The following FHIP1A variants were observed in gnomAD, a reference collection of about 807,000 sequenced individuals.
The protein encoded by FHIP1A is FHF complex subunit HOOK-interacting protein 1A.
Under a neutral mutation model 88.6 loss-of-function variants are expected in FHIP1A, and 61 were observed. The observed-to-expected ratio is 0.69, with a 90% CI of 0.56 to 0.85. FHIP1A has a LOEUF of 0.85. FHIP1A is among the 40% of genes least tolerant of loss of function. The probability of loss-of-function intolerance (pLI) is 0.00; values close to 1 mark genes in which losing one functional copy is unlikely to be tolerated. For missense variants in FHIP1A, 1,154 were observed against 1,273.5 expected, an observed-to-expected ratio of 0.91 and a Z score of 1.43; for synonymous variants, 478 against 496.0, an observed-to-expected ratio of 0.96 and a Z score of 0.48.
At chr4:151,415,565 A>G (rs1359813631) in intron 1 of FHIP1A, among the ~76,000 whole-genome samples, 1 of 152,220 alleles carries the variant, frequency 6.6e-6, no homozygotes, top group African/African-American at 2.4e-5. Flanking sequence ...TTCAGAGAAC[A>G]TCCTTGAAAG....
intron 3 of FHIP1A, 45 bp from the exon 4 acceptor site, chr4:151,566,093 T>C (rs1733375159): frequency 2.1e-6 from 1 of 480,460 alleles, no homozygotes; most frequent in African/African-American, 2.0e-5. Context: ...TCCTATTTAA[T>C]TTATGAACAT....
chr4:151,409,698 G>C (rs1243499666), intron 1 of FHIP1A, among the ~76,000 whole-genome samples: 1 of 152,058 alleles, frequency 6.6e-6, no homozygotes, highest in Non-Finnish European at 1.5e-5. Context: ...TAGGGTTTCG[G>C]GCTCCGGGAC....
intron 4 of FHIP1A, among the ~76,000 whole-genome samples, chr4:151,570,816 C>T (rs1404046768): frequency 6.6e-6 from 1 of 152,158 alleles, no homozygotes; most frequent in African/African-American, 2.4e-5. Context: ...ACTTAGGAAA[C>T]AGCTTTCAAC....
intron 8 of FHIP1A, among the ~76,000 whole-genome samples, chr4:151,637,911 A>G (rs554697724): frequency 2.0e-5 from 3 of 152,326 alleles, no homozygotes; most frequent in African/African-American, 7.2e-5. Flanking sequence ...TAGAAGACAG[A>G]CTAGCATTTA....
chr4:151,466,015 T>C (rs1351476895), intron 2 of FHIP1A, among the ~76,000 whole-genome samples: 1 of 152,174 alleles, frequency 6.6e-6, no homozygotes, highest in South Asian at 2.1e-4. Flanking sequence ...ATAAAGGGTA[T>C]TCATATAGAA....
Position 151,629,685 on chromosome 4 carries a change from T to A in FHIP1A, c.979-17T>A. Reference sequence around the variant, plus strand: ...CAAAAGGATGCTCACCTGTGCTCACTCCGTTGTTTGTCCTAGGTGACTGTG... The same window carrying A: ...CAAAAGGATGCTCACCTGTGCTCACACCGTTGTTTGTCCTAGGTGACTGTG... On this transcript the variant is annotated splice_polypyrimidine_tract_variant and intron_variant, in intron 7 of 13. Transcript: ENST00000435205. 2 of 1,549,786 alleles carry A rather than the reference T, an allele frequency of 1.3e-6. No homozygotes were observed. Among genetic ancestry groups the A allele is most frequent in the Non-Finnish European group, 1.7e-6 (2 of 1,145,926 alleles).
intron 3 of FHIP1A, among the ~76,000 whole-genome samples, chr4:151,524,279 G>C (rs1295300632): frequency 2.7e-5 from 4 of 150,812 alleles, no homozygotes; most frequent in African/African-American, 9.8e-5. Flanking sequence ...TCCAGCCTGG[G>C]TGACAGAGTG....
chr4:151,630,923 C>A (rs903417702), intron 8 of FHIP1A, among the ~76,000 whole-genome samples: 12 of 152,064 alleles, frequency 7.9e-5, no homozygotes, highest in Non-Finnish European at 1.8e-4. Context: ...AAGAAGAAAT[C>A]ACAAGGAAAA....
At chr4:151,529,958 T>C (rs188785479) in intron 3 of FHIP1A, among the ~76,000 whole-genome samples, 1 of 152,290 alleles carries the variant, frequency 6.6e-6, no homozygotes, top group East Asian at 1.9e-4. Flanking sequence ...TTCTTATTCT[T>C]GGAGAGGCTG....
chr4:151,458,580 C>T (rs553725093), intron 2 of FHIP1A, among the ~76,000 whole-genome samples: 1 of 152,092 alleles, frequency 6.6e-6, no homozygotes, highest in African/African-American at 2.4e-5. Flanking sequence ...TTAGTAGGAG[C>T]TTTTAATGTA....
chr4:151,441,037 C>T (rs1728393281), intron 1 of FHIP1A, among the ~76,000 whole-genome samples: 1 of 152,152 alleles, frequency 6.6e-6, no homozygotes, highest in African/African-American at 2.4e-5. Context: ...GCCAGCTTCT[C>T]AGCCCTCACT....
intron 8 of FHIP1A, among the ~76,000 whole-genome samples, chr4:151,632,723 A>C (rs1398473186): frequency 6.6e-6 from 1 of 152,072 alleles, no homozygotes; most frequent in Non-Finnish European, 1.5e-5. Context: ...ATTAAACAAC[A>C]CATTCTTGGG....
At chr4:151,621,812 G>T (rs556484122) in intron 7 of FHIP1A, among the ~76,000 whole-genome samples, 5 of 150,300 alleles carry the variant, frequency 3.3e-5, no homozygotes, top group African/African-American at 1.2e-4. Flanking sequence ...TTTTTTTCCA[G>T]TGGATCACTT....
intron 3 of FHIP1A, among the ~76,000 whole-genome samples, chr4:151,497,534 G>T (rs758561140): frequency 7.9e-5 from 12 of 152,194 alleles, no homozygotes; most frequent in Non-Finnish European, 1.5e-4. Flanking sequence ...AAGTTTATCA[G>T]CTTGTAGTCT....
intron 3 of FHIP1A, among the ~76,000 whole-genome samples, chr4:151,551,416 C>T (rs1482300398): frequency 6.6e-6 from 1 of 152,184 alleles, no homozygotes; most frequent in Non-Finnish European, 1.5e-5. Flanking sequence ...AGACATCACA[C>T]TACCTGACTT....
intron 3 of FHIP1A, among the ~76,000 whole-genome samples, chr4:151,490,526 A>G (rs961081776): frequency 2.6e-5 from 4 of 152,332 alleles, no homozygotes; most frequent in Middle Eastern, 3.4e-3. Context: ...TGAGTTCCAG[A>G]TCTTTCCACT....
intron 3 of FHIP1A, among the ~76,000 whole-genome samples, chr4:151,527,697 A>T (rs1197364834): frequency 6.6e-6 from 1 of 152,200 alleles, no homozygotes; most frequent in Non-Finnish European, 1.5e-5. Flanking sequence ...TAATGCTCTG[A>T]TAATTAAAAG....
chr4:151,421,016 A>G (rs534581784), intron 1 of FHIP1A, among the ~76,000 whole-genome samples: 1 of 152,348 alleles, frequency 6.6e-6, no homozygotes, highest in Non-Finnish European at 1.5e-5. Context: ...ATTGAGTCGC[A>G]TTTAAAGTCC....
At chr4:151,464,658 C>T (rs535622811) in intron 2 of FHIP1A, among the ~76,000 whole-genome samples, 17 of 152,356 alleles carry the variant, frequency 1.1e-4, no homozygotes, top group African/African-American at 4.1e-4. Context: ...CAGACACTCA[C>T]CAGTCATCAG....
Sources: allele counts gnomAD v4.1 joint callset (sites outside exome capture counted in the v4.1 genomes callset), GRCh38; gene constraint gnomAD v4.1.1; transcripts MANE v1.5; gene names NCBI Gene and HGNC (gene_info 2026-07-23, HGNC 2026-07-21).